The following CDC42EP4 variants were observed in gnomAD, a reference collection of about 807,000 sequenced individuals.
The protein encoded by CDC42EP4 is CDC42 effector protein (Rho GTPase binding) 4.
CDC42EP4 carries 6 observed loss-of-function variants against 5.6 expected under a neutral mutation model. The ratio of observed to expected loss-of-function variants is 1.07; its 90% confidence interval spans 0.59 to 2.12. The LOEUF is 2.12. CDC42EP4 is among the 30% of genes most tolerant of loss of function. The pLI, the probability that CDC42EP4 is intolerant of heterozygous loss-of-function variation, is 0.00. For missense variants in CDC42EP4, 490 were observed against 508.6 expected (o/e 0.96, Z 0.35); for synonymous variants, 230 against 224.2 (o/e 1.03, Z -0.23).
chr17:73,291,400 C>G (rs2062160809), intron 1 of CDC42EP4, among the ~76,000 whole-genome samples: 1 of 152,302 alleles, frequency 6.6e-6, no homozygotes, highest in Non-Finnish European at 1.5e-5. Context: ...GATTGAGGGT[C>G]AGCAACAGCT....
chr17:73,292,546 A>T (rs1414272524), intron 1 of CDC42EP4, among the ~76,000 whole-genome samples: 1 of 152,210 alleles, frequency 6.6e-6, no homozygotes, highest in Non-Finnish European at 1.5e-5. Flanking sequence ...TAAATAAAAT[A>T]AATGGTATCT....
intron 1 of CDC42EP4, among the ~76,000 whole-genome samples, chr17:73,304,961 C>A (rs1447756927): frequency 6.6e-6 from 1 of 152,212 alleles, no homozygotes; most frequent in Non-Finnish European, 1.5e-5. Flanking sequence ...TTCCTGCACC[C>A]ACCTCATCCT....
At position 73,286,008 on chromosome 17, in the gene CDC42EP4, G is replaced by C. The variant is rs147648768; in HGVS notation, c.493C>G (p.Arg165Gly). ...EEAGTEEAVPRRNGAAGPHSP... is the reference protein window; with the variant it reads ...EEAGTEEAVPGRNGAAGPHSP... Reference sequence around the variant, plus strand: ...TGTGGACCCGCGGCCCCATTCCGACGGGGCACTGCCTCCTCCGTGCCCGCC... The same window carrying C: ...TGTGGACCCGCGGCCCCATTCCGACCGGGCACTGCCTCCTCCGTGCCCGCC... The change falls in exon 2 of 2, where the codon CGT (arginine) becomes GGT (glycine). Residue 165 changes from arginine (R) to glycine (G), a missense_variant. By Grantham distance (125) the Arg-to-Gly change is moderately radical (BLOSUM62 -2). Transcript: ENST00000335793. This position sits in a 1 kb window ranked among gnomAD's most constrained non-coding sequence, Gnocchi z 7.7. 2.6e-4 allele frequency: 425 copies of C among 1,613,480 alleles called. No individual in the cohort carries two copies. The African/African-American group carries it at 4.5e-3, about 17-fold the overall frequency.
intron 1 of CDC42EP4, among the ~76,000 whole-genome samples, chr17:73,302,304 G>A (rs577549375): frequency 1.3e-5 from 2 of 152,088 alleles, no homozygotes; most frequent in African/African-American, 2.4e-5. Context: ...TCATTATCTC[G>A]TTATATTTGT....
chr17:73,304,584 GGA>G (rs995207243), intron 1 of CDC42EP4, among the ~76,000 whole-genome samples: 23 of 148,352 alleles, frequency 1.6e-4, no homozygotes, highest in African/African-American at 5.7e-4. Context: ...CGGTTGGTTA[GGA>G]GAGAGAGACA....
chr17:73,285,621 CG>C lies in CDC42EP4; in HGVS notation c.879del (p.Gly294AlafsTer88). The C allele has an allele frequency of 1.9e-6, 3 of 1,605,430 alleles. No homozygotes were observed. The highest frequency in any genetic ancestry group is 1.7e-6 in the Non-Finnish European group (2 of 1,175,776). On this transcript the variant is annotated frameshift_variant, in exon 2 of 2. Coordinates refer to ENST00000335793, the MANE Select transcript of CDC42EP4 (RefSeq NM_012121.5). LOFTEE classifies it high-confidence loss of function. This position sits in a 1 kb window ranked among gnomAD's most constrained non-coding sequence, Gnocchi z 6.8. ...DEGWAAAAPS[P>X]GSARSMGSHT... ...TGGCTGCCCATGCTGCGGGCTGAGC[CG>C]GGGCTGGGGGCCGCTGCTGCCCACC...
In CDC42EP4 at chr17:73,284,763, C is replaced by T. The variant is rs566769376; in HGVS notation, c.*667G>A. The T allele has an allele frequency of 7.0e-4, 106 of 152,322 alleles. No individual in the cohort carries two copies. Among genetic ancestry groups the T allele is most frequent in the African/African-American group, 2.5e-3 (105 of 41,560 alleles). 9.4% of individuals were successfully genotyped at this position (152,322 alleles called of 1,614,324 possible). On this transcript the variant is annotated 3_prime_UTR_variant, in exon 2 of 2. Transcript: ENST00000335793. ...TTCCTAGTGTCATCCTGGAAGGGTC[C>T]CTTCTTGCAATTCACGAAGCCTGGG...
At chr17:73,288,926 C>T (rs935941459) in intron 1 of CDC42EP4, among the ~76,000 whole-genome samples, 1 of 152,150 alleles carries the variant, frequency 6.6e-6, no homozygotes, top group African/African-American at 2.4e-5. Flanking sequence ...GTGACGTGGG[C>T]GAGGACGTGA....
At chr17:73,297,367 G>A (rs1418807072) in intron 1 of CDC42EP4, among the ~76,000 whole-genome samples, 3 of 151,198 alleles carry the variant, frequency 2.0e-5, no homozygotes, top group Admixed American at 6.6e-5. Flanking sequence ...CCAGCTACAC[G>A]GGAGGCTGAG....
chr17:73,311,698 G>C (rs546725218), intron 1 of CDC42EP4, among the ~76,000 whole-genome samples, 195 bp downstream of exon 1: 1 of 152,364 alleles, frequency 6.6e-6, no homozygotes, highest in African/African-American at 2.4e-5. Flanking sequence ...TAGGGTCCCA[G>C]GCACCGCGGT....
At position 73,286,388 on chromosome 17, in the gene CDC42EP4, A is replaced by G; in HGVS notation, c.113T>C (p.Met38Thr). Residue 38 changes from methionine (M) to threonine (T), a missense_variant, in exon 2 of 2, where the codon ATG (methionine) becomes ACG (threonine). By Grantham distance (81) the Met-to-Thr change is moderately conservative (BLOSUM62 -1). Transcript: ENST00000335793. The surrounding 1 kb of genome is among the most constrained non-coding windows in gnomAD (Gnocchi z 7.7). ...SAPLGDFRHT[M>T]HVGRAGDAFG... is the part of the protein sequence containing the mutation. ...GGCGTCTCCGGCCCGGCCAACGTGCATGGTGTGGCGGAAGTCGCCCAGCGG... is the reference window on the plus strand; with the variant it reads ...GGCGTCTCCGGCCCGGCCAACGTGCGTGGTGTGGCGGAAGTCGCCCAGCGG... 2 of 1,614,042 alleles carry G rather than the reference A, an allele frequency of 1.2e-6. No individual in the cohort carries two copies. The highest frequency in any genetic ancestry group is 1.1e-5 in the South Asian group (1 of 91,090).
At chr17:73,311,163 G>A (rs1485641140) in intron 1 of CDC42EP4, 1 of 152,244 alleles carries the variant, frequency 6.6e-6, no homozygotes, top group African/African-American at 2.4e-5. Context: ...CACCCCGCCA[G>A]GAGGCGCCTC....
At chr17:73,300,042 T>C (rs1910923150) in intron 1 of CDC42EP4, among the ~76,000 whole-genome samples, 1 of 152,170 alleles carries the variant, frequency 6.6e-6, no homozygotes, top group African/African-American at 2.4e-5. Flanking sequence ...GTCTGCTCTG[T>C]CCAAACTCCA....
intron 1 of CDC42EP4, among the ~76,000 whole-genome samples, chr17:73,299,194 C>T (rs772404405): frequency 1.8e-4 from 27 of 151,818 alleles, no homozygotes; most frequent in Non-Finnish European, 3.1e-4. Flanking sequence ...GAGGCTGAGG[C>T]GGGCAGATCA....
At chr17:73,309,055 A>AAAAAAAAAAAAG (rs1165771237) in intron 1 of CDC42EP4, among the ~76,000 whole-genome samples, 1 of 148,650 alleles carries the variant, frequency 6.7e-6, no homozygotes, top group Non-Finnish European at 1.5e-5. Flanking sequence ...AAAAAAAAAA[A>AAAAAAAAAAAAG]AAAGGGTTGG....
rs1041748981 is a variant in CDC42EP4, at chr17:73,286,244, C to G, written c.257G>C (p.Ser86Thr). 2 of 1,614,236 alleles carry G rather than the reference C, an allele frequency of 1.2e-6. No individual in the cohort carries two copies. Among genetic ancestry groups the G allele is most frequent in the African/African-American group, 1.3e-5 (1 of 75,074 alleles). ...RSLLSRKFRG[S>T]KRSQSVTRGE... is the part of the protein sequence containing the mutation. ...CCTGGTCACCGACTGTGACCGCTTGCTGCCCCGGAACTTCCTGGACAGGAG... is the reference window on the plus strand; with the variant it reads ...CCTGGTCACCGACTGTGACCGCTTGGTGCCCCGGAACTTCCTGGACAGGAG... Residue 86 changes from serine (S) to threonine (T), a missense_variant, in exon 2 of 2, where the codon AGC becomes ACC. Transcript: ENST00000335793. This position sits in a 1 kb window ranked among gnomAD's most constrained non-coding sequence, Gnocchi z 7.7.
intron 1 of CDC42EP4, among the ~76,000 whole-genome samples, chr17:73,287,904 A>G (rs978531979): frequency 3.9e-5 from 6 of 152,000 alleles, no homozygotes; most frequent in Admixed American, 3.9e-4. Context: ...CCTCCTGTCC[A>G]TCCTTCACCT....
intron 1 of CDC42EP4, among the ~76,000 whole-genome samples, chr17:73,305,386 C>T (rs901970301): frequency 5.3e-5 from 8 of 152,204 alleles, no homozygotes; most frequent in African/African-American, 1.2e-4. Context: ...CGGGAGTGAT[C>T]GCAGAGGAAA....
Position 73,285,064 on chromosome 17 carries a change from CTG to C in CDC42EP4, c.*364_*365del, listed in dbSNP as rs1416270431. 5.9e-6 allele frequency: 1 copy of C among 168,908 alleles called. No homozygotes were observed. Among genetic ancestry groups the C allele is most frequent in the Non-Finnish European group, 1.3e-5 (1 of 79,126 alleles). 10.5% of individuals were successfully genotyped at this position (168,908 alleles called of 1,614,324 possible). On this transcript the variant is annotated 3_prime_UTR_variant, in exon 2 of 2. Transcript: ENST00000335793. The surrounding 1 kb of genome is among the most constrained non-coding windows in gnomAD (Gnocchi z 6.8). ...CCCTGGAGCTGAGGCTGCCTCTGGG[CTG>C]ACCCGCTGGCTGTACGTGGCCAGAA... is the stretch of plus-strand genomic sequence containing the variant.
Sources: allele counts gnomAD v4.1 joint callset (sites outside exome capture counted in the v4.1 genomes callset), GRCh38; gene constraint gnomAD v4.1.1; non-coding constraint Gnocchi (gnomAD v3.1); transcripts MANE v1.5; gene names NCBI Gene and HGNC (gene_info 2026-07-23, HGNC 2026-07-21).